Variants in SLC16A2 observed in about 807,000 individuals in gnomAD.
The protein encoded by SLC16A2 is solute carrier family 16 member 2, also known as monocarboxylate transporter 8.
Under a neutral mutation model 27.2 loss-of-function variants are expected in SLC16A2, and 3 were observed. The ratio of observed to expected loss-of-function variants is 0.11; its 90% CI spans 0.05 to 0.28. The LOEUF is 0.28. Among genes scored for constraint, SLC16A2 ranks in the 10% least tolerant of loss-of-function variants. The pLI is 1.00. For synonymous variants in SLC16A2, 202 were observed against 187.8 expected (o/e 1.08, Z -0.62); for missense variants, 295 against 458.5 (o/e 0.64, Z 3.26).
chrX:74,479,041 A>G (rs1474842828), intron 1 of SLC16A2, among the ~76,000 whole-genome samples: 28 of 111,806 alleles, frequency 2.5e-4, no homozygotes, highest in African/African-American at 8.5e-4. Flanking sequence ...GCCTTGCTAG[A>G]TTCAGGAAGT....
intron 1 of SLC16A2, among the ~76,000 whole-genome samples, chrX:74,520,618 C>G (rs891391904): frequency 9.0e-6 from 1 of 111,672 alleles, no homozygotes; most frequent in Admixed American, 9.5e-5. Flanking sequence ...CTTCTCTACT[C>G]CTTAGTCTTA....
intron 1 of SLC16A2, among the ~76,000 whole-genome samples, chrX:74,495,901 T>C (rs1485877416): frequency 9.1e-6 from 1 of 110,330 alleles, no homozygotes; most frequent in Non-Finnish European, 1.9e-5. Context: ...GCCACCATGG[T>C]GGGAGAGTGG....
chrX:74,518,665 GT>G (rs1358133325), intron 1 of SLC16A2, among the ~76,000 whole-genome samples: 2 of 111,296 alleles, frequency 1.8e-5, no homozygotes, highest in African/African-American at 3.3e-5. Flanking sequence ...TTTAATATGC[GT>G]TTCTCAACTT....
At chrX:74,491,988 GAC>G (rs2147859751) in intron 1 of SLC16A2, among the ~76,000 whole-genome samples, 1 of 112,521 alleles carries the variant, frequency 8.9e-6, no homozygotes, top group East Asian at 2.8e-4. Context: ...ACTGCCCTGG[GAC>G]AGGATGTCCC....
At chrX:74,431,189 T>C (rs191549096) in intron 1 of SLC16A2, among the ~76,000 whole-genome samples, 189 of 112,785 alleles carry the variant, frequency 1.7e-3, no homozygotes, top group African/African-American at 5.6e-3. Flanking sequence ...GCACTATTTA[T>C]AGTAGCAAAG....
intron 1 of SLC16A2, among the ~76,000 whole-genome samples, chrX:74,503,658 T>C (rs5937833): frequency 9.0e-6 from 1 of 110,695 alleles, no homozygotes; most frequent in South Asian, 3.8e-4. Flanking sequence ...AGACCCAAAG[T>C]TAGGCCTACT....
chrX:74,459,790 A>T (rs1462285266), intron 1 of SLC16A2, among the ~76,000 whole-genome samples: 1 of 111,462 alleles, frequency 9.0e-6, no homozygotes, highest in Admixed American at 9.6e-5. Context: ...GATTAAGAAG[A>T]TAGAAAAGAT....
chrX:74,502,872 C>T (rs1301985880), intron 1 of SLC16A2, among the ~76,000 whole-genome samples: 4 of 110,533 alleles, frequency 3.6e-5, no homozygotes, highest in African/African-American at 1.3e-4. Flanking sequence ...AAGCATGGTC[C>T]ACGGGCTGGC....
chrX:74,491,995 T>C (rs1929835581), intron 1 of SLC16A2, among the ~76,000 whole-genome samples: 1 of 112,558 alleles, frequency 8.9e-6, no homozygotes, highest in African/African-American at 3.2e-5. Flanking sequence ...TGGGACAGGA[T>C]GTCCCTATGT....
intron 1 of SLC16A2, among the ~76,000 whole-genome samples, chrX:74,478,101 C>G (rs756803451): frequency 9.0e-6 from 1 of 111,348 alleles, no homozygotes; most frequent in East Asian, 2.8e-4. Flanking sequence ...AAAGTCTCCC[C>G]TTGTTATTGT....
chrX:74,453,717 T>G (rs866539785), intron 1 of SLC16A2, among the ~76,000 whole-genome samples: 75 of 111,096 alleles, frequency 6.8e-4, no homozygotes, highest in African/African-American at 2.4e-3. Flanking sequence ...TCACCCCACC[T>G]TAGACAACCC....
chrX:74,463,729 G>A (rs749614797), intron 1 of SLC16A2, among the ~76,000 whole-genome samples: 44 of 111,428 alleles, frequency 3.9e-4, no homozygotes, highest in Non-Finnish European at 7.0e-4. Context: ...GGGTTTCACC[G>A]TATTAGCCAG....
intron 1 of SLC16A2, among the ~76,000 whole-genome samples, chrX:74,503,984 C>T (rs899392165): frequency 5.4e-5 from 6 of 112,051 alleles, no homozygotes; most frequent in Non-Finnish European, 7.5e-5. Flanking sequence ...GAATTTGACA[C>T]GGTGTCTGTC....
At chrX:74,521,215 A>T (rs1247105305) in intron 2 of SLC16A2, 81 bp downstream of exon 2, 1 of 1,103,830 alleles carries the variant, frequency 9.1e-7, no homozygotes. Flanking sequence ...TACTTTTCTC[A>T]CTGCAGAATC....
intron 2 of SLC16A2, among the ~76,000 whole-genome samples, chrX:74,522,611 A>G (rs1930424576): frequency 8.9e-6 from 1 of 111,977 alleles, no homozygotes; most frequent in Non-Finnish European, 1.9e-5. Context: ...GAGCAGAGCA[A>G]AGTGTAAACG....
At chrX:74,422,178 C>T in intron 1 of SLC16A2, 111 bp downstream of exon 1, 1 of 777,110 alleles carries the variant, frequency 1.3e-6, no homozygotes, top group East Asian at 3.4e-5. Context: ...GCCTCTCCGA[C>T]TCCTCCCCTT....
At chrX:74,433,375 A>C (rs905332828) in intron 1 of SLC16A2, among the ~76,000 whole-genome samples, 4 of 95,760 alleles carry the variant, frequency 4.2e-5, no homozygotes, top group African/African-American at 1.4e-4. Context: ...CTGTCTCAAA[A>C]AAAAAAAAAA....
intron 1 of SLC16A2, among the ~76,000 whole-genome samples, chrX:74,509,527 C>T (rs1260299267): frequency 1.8e-5 from 2 of 110,765 alleles, no homozygotes; most frequent in East Asian, 5.7e-4. Flanking sequence ...TTGAACTAAC[C>T]TTGCATTTCC....
chrX:74,447,077 G>C (rs747253165), intron 1 of SLC16A2, among the ~76,000 whole-genome samples: 2 of 112,196 alleles, frequency 1.8e-5, no homozygotes, highest in Non-Finnish European at 3.8e-5. Flanking sequence ...GAATGACGGA[G>C]TTACTTGTTT....
Sources: gnomAD v4.1 joint callset for allele counts (sites outside exome capture counted in the v4.1 genomes callset) on GRCh38, gnomAD v4.1.1 for gene constraint, MANE v1.5 for transcripts, NCBI Gene and HGNC (gene_info 2026-07-23, HGNC 2026-07-21) for gene names.